The following WFDC2 variants were observed in gnomAD, a reference collection of about 807,000 sequenced individuals.
WFDC2 encodes WAP four-disulfide core domain protein 2.
Under a neutral mutation model 12.5 loss-of-function variants are expected in WFDC2, and 8 were observed. The observed-to-expected ratio is 0.64, with a 90% CI of 0.37 to 1.15. The LOEUF is 1.15. Ranked by LOEUF, WFDC2 falls within the 50% of genes most tolerant of loss-of-function variation. The pLI, the probability that WFDC2 is intolerant of heterozygous loss-of-function variation, is 0.01. For synonymous variants in WFDC2, 74 were observed against 67.2 expected (o/e 1.10, Z -0.49); for missense variants, 166 against 159.9 (o/e 1.04, Z -0.21).
intron 2 of WFDC2, among the ~76,000 whole-genome samples, chr20:45,473,795 T>C (rs1423292599): frequency 6.6e-6 from 1 of 152,158 alleles, no homozygotes; most frequent in African/African-American, 2.4e-5. Context: ...TTTCACGATA[T>C]TGATTCTTCT....
At chr20:45,477,289 G>C (rs1041514888) in intron 2 of WFDC2, among the ~76,000 whole-genome samples, 1 of 152,136 alleles carries the variant, frequency 6.6e-6, no homozygotes, top group African/African-American at 2.4e-5. Flanking sequence ...TTTTTGTGCT[G>C]GTTTCTCCCC....
chr20:45,472,606 G>A (rs1056699783), intron 2 of WFDC2, among the ~76,000 whole-genome samples: 4 of 126,012 alleles, frequency 3.2e-5, no homozygotes, highest in Admixed American at 2.8e-4. Flanking sequence ...GGGCATTTGC[G>A]TTGGTTCCAA....
In WFDC2 at chr20:45,479,438, C is replaced by T. The variant is rs1052459506; in HGVS notation, c.224-504C>T. On this transcript the variant is annotated intron_variant, in intron 2 of 3. Transcript: ENST00000372676. Reference sequence around the variant, plus strand: ...CACTTGTAACACAAGGAAATATTAACAGATCCCTCCCCTTCTTTTAGGATT... The same window carrying T: ...CACTTGTAACACAAGGAAATATTAATAGATCCCTCCCCTTCTTTTAGGATT... The T allele has an allele frequency of 2.2e-5, 12 of 549,656 alleles. No individual in the cohort carries two copies. The South Asian group carries it at 2.5e-4, about 12-fold the overall frequency. 34.0% of individuals were successfully genotyped at this position (549,656 alleles called of 1,614,324 possible). A position where few individuals can be genotyped will look rare whatever the true frequency, so the allele number is the denominator to read the frequency against.
intron 2 of WFDC2, among the ~76,000 whole-genome samples, chr20:45,478,204 G>T (rs994667995): frequency 6.6e-6 from 1 of 151,950 alleles, no homozygotes; most frequent in Non-Finnish European, 1.5e-5. Flanking sequence ...GCACCACTGG[G>T]GTATGAAAAA....
intron 3 of WFDC2, 23 bp downstream of exon 3, chr20:45,480,117 G>A (rs1346164849): frequency 1.9e-6 from 3 of 1,611,108 alleles, no homozygotes; most frequent in Non-Finnish European, 2.5e-6. Flanking sequence ...GAAAGAGAAA[G>A]TGCATTGATG....
At chr20:45,471,752 G>A (rs1417176735) in intron 2 of WFDC2, among the ~76,000 whole-genome samples, 1 of 152,180 alleles carries the variant, frequency 6.6e-6, no homozygotes, top group East Asian at 1.9e-4. Context: ...TATCTCAGAT[G>A]GACAGACTGA....
intron 2 of WFDC2, among the ~76,000 whole-genome samples, chr20:45,475,483 T>TG (rs1369821962): frequency 3.3e-5 from 5 of 152,198 alleles, no homozygotes; most frequent in Non-Finnish European, 5.9e-5. Context: ...TGTAAGGTTA[T>TG]GCGGTCTTGA....
Position 45,470,625 on chromosome 20 carries a change from C to T in WFDC2, c.223+93C>T, listed in dbSNP as rs2145500788. The T allele has an allele frequency of 6.9e-7, 1 of 1,442,656 alleles. No homozygotes were observed. Among genetic ancestry groups the T allele is most frequent in the Non-Finnish European group, 9.1e-7 (1 of 1,095,922 alleles). The allele number at this position is 1,442,656 out of a possible 1,614,324, so 89.4% of individuals were successfully genotyped here. ...CGGGTTCCGGGAACAGGGGCGCCCC[C>T]GGACCCGGGGACCCCCGGGAAAGTC... On this transcript the variant is annotated intron_variant, in intron 2 of 3. Transcript: ENST00000372676. This position sits in a 1 kb window ranked among gnomAD's most constrained non-coding sequence, Gnocchi z 5.4.
intron 2 of WFDC2, among the ~76,000 whole-genome samples, chr20:45,475,947 T>C (rs1358278476): frequency 6.6e-6 from 1 of 152,252 alleles, no homozygotes; most frequent in Non-Finnish European, 1.5e-5. Context: ...CTTTGTCTCT[T>C]TTGATCTTTG....
At position 45,470,531 on chromosome 20, in the gene WFDC2, T is replaced by C; in HGVS notation, c.222T>C (p.Asn74=). ...GTGCCACCTTCTGCTCTCTGCCCAATGGTAACCCCACGGCGGCCGAGCGGG... is the reference window on the plus strand; with the variant it reads ...GTGCCACCTTCTGCTCTCTGCCCAACGGTAACCCCACGGCGGCCGAGCGGG... The part of the protein sequence containing the change: ...AGCATFCSLP[N]DKEGSCPQVN... Residue 74 remains asparagine (N), a splice_region_variant and synonymous_variant, in exon 2 of 4, where the codon AAT becomes AAC. Coordinates refer to ENST00000372676, the MANE Select transcript of WFDC2 (RefSeq NM_006103.4). This position sits in a 1 kb window ranked among gnomAD's most constrained non-coding sequence, Gnocchi z 5.4. 1.9e-6 allele frequency: 3 copies of C among 1,594,604 alleles called. No homozygotes were observed. Among genetic ancestry groups the C allele is most frequent in the Non-Finnish European group, 2.6e-6 (3 of 1,169,960 alleles).
At chr20:45,479,862 T>C (rs1991278886) in intron 2 of WFDC2, 80 bp from the exon 3 acceptor site, 2 of 1,613,800 alleles carry the variant, frequency 1.2e-6, no homozygotes, top group African/African-American at 1.3e-5. Context: ...TGAGGGGCAG[T>C]GGGGGGGCCA....
intron 2 of WFDC2, among the ~76,000 whole-genome samples, chr20:45,477,932 G>A (rs1991253893): frequency 6.6e-6 from 1 of 152,234 alleles, no homozygotes; most frequent in Admixed American, 6.5e-5. Context: ...TGCCCAGTTT[G>A]AACTTCCTGG....
Position 45,469,923 on chromosome 20 carries a change from C to T in WFDC2, c.79+63C>T, listed in dbSNP as rs573015719. The T allele has an allele frequency of 3.2e-3, 4,941 of 1,551,374 alleles. 17 individuals are homozygous for T. The highest frequency in any genetic ancestry group is 6.3e-3 in the Middle Eastern group (37 of 5,840). On this transcript the variant is annotated intron_variant, in intron 1 of 3. Transcript: ENST00000372676. ...CCGAGCCACGAGCGCCAGGATGGAGCCAGGCGGAGGCGTAGCCTCTGGAGG... is the reference window on the plus strand; with the variant it reads ...CCGAGCCACGAGCGCCAGGATGGAGTCAGGCGGAGGCGTAGCCTCTGGAGG...
chr20:45,477,956 T>C (rs201384567), intron 2 of WFDC2, among the ~76,000 whole-genome samples: 1 of 152,218 alleles, frequency 6.6e-6, no homozygotes, highest in Non-Finnish European at 1.5e-5. Context: ...CTTTGTTTAC[T>C]CTGTGAGGGG....
intron 2 of WFDC2, among the ~76,000 whole-genome samples, chr20:45,478,793 C>T (rs1294528141): frequency 1.8e-4 from 27 of 151,996 alleles, no homozygotes. Flanking sequence ...GCCCAGTTAA[C>T]TTTTTTGTAT....
At chr20:45,473,278 T>C (rs917923466) in intron 2 of WFDC2, among the ~76,000 whole-genome samples, 1 of 152,226 alleles carries the variant, frequency 6.6e-6, no homozygotes, top group Non-Finnish European at 1.5e-5. Context: ...CTGAATGGTA[T>C]TGCCTAGGTT....
At chr20:45,475,462 T>A (rs1600847840) in intron 2 of WFDC2, among the ~76,000 whole-genome samples, 1 of 152,338 alleles carries the variant, frequency 6.6e-6, no homozygotes, top group African/African-American at 2.4e-5. Flanking sequence ...GAGCAGGTTG[T>A]TCAGTTTCCA....
chr20:45,474,515 C>T (rs926410919), intron 2 of WFDC2, among the ~76,000 whole-genome samples: 6 of 152,204 alleles, frequency 3.9e-5, no homozygotes, highest in Admixed American at 6.5e-5. Context: ...CCTTGCATCC[C>T]AGGGACAAAG....
At chr20:45,480,957 C>T (rs1269356556) in intron 3 of WFDC2, among the ~76,000 whole-genome samples, 2 of 152,126 alleles carry the variant, frequency 1.3e-5, no homozygotes, top group Non-Finnish European at 2.9e-5. Flanking sequence ...ACAGTTATCT[C>T]GCTTATAAAA....
Sources: gnomAD v4.1 joint callset for allele counts (sites outside exome capture counted in the v4.1 genomes callset) on GRCh38, gnomAD v4.1.1 for gene constraint, Gnocchi (gnomAD v3.1) non-coding constraint, MANE v1.5 for transcripts, NCBI Gene and HGNC (gene_info 2026-07-23, HGNC 2026-07-21) for gene names.